NKAIN2: variants seen among roughly 807,000 people sequenced by gnomAD.
NKAIN2 encodes sodium/potassium-transporting ATPase subunit beta-1-interacting protein 2.
Under a neutral mutation model 32.6 loss-of-function variants are expected in NKAIN2, and 14 were observed. That is an observed-to-expected ratio of 0.43 (90% confidence interval 0.28 to 0.67). The LOEUF (loss-of-function observed/expected upper bound fraction) is 0.67. Among genes scored for constraint, NKAIN2 ranks in the 30% least tolerant of loss-of-function variants. NKAIN2 has a pLI of 0.17. For synonymous variants in NKAIN2, 80 were observed against 87.2 expected, an observed-to-expected ratio of 0.92 and a Z score of 0.46; for missense variants, 198 against 258.3, an observed-to-expected ratio of 0.77 and a Z score of 1.60.
At chr6:123,875,760 A>C (rs1773141243) in intron 1 of NKAIN2, among the ~76,000 whole-genome samples, 1 of 152,064 alleles carries the variant, frequency 6.6e-6, no homozygotes. Context: ...AATTTTAATC[A>C]ATATAGAATT....
chr6:124,568,009 A>C (rs949503112), intron 3 of NKAIN2, among the ~76,000 whole-genome samples: 2 of 152,144 alleles, frequency 1.3e-5, no homozygotes, highest in Admixed American at 6.6e-5. Context: ...CTCTGGAGCC[A>C]GGGCAAGCTC....
intron 4 of NKAIN2, among the ~76,000 whole-genome samples, chr6:124,723,148 T>C (rs1192793756): frequency 6.6e-6 from 1 of 152,200 alleles, no homozygotes; most frequent in East Asian, 1.9e-4. Context: ...ACAGATACCA[T>C]ATAGAACAGA....
intron 3 of NKAIN2, among the ~76,000 whole-genome samples, chr6:124,508,430 C>T (rs112939144): frequency 0.015 from 2,212 of 151,698 alleles, 49 homozygotes; most frequent in African/African-American, 0.051. Context: ...CTGCAAGCTC[C>T]GCCTCCCGGG....
intron 3 of NKAIN2, among the ~76,000 whole-genome samples, chr6:124,397,522 A>G (rs1483982790): frequency 1.4e-5 from 2 of 148,026 alleles, no homozygotes; most frequent in Non-Finnish European, 3.0e-5. Context: ...ACTGTGTCAC[A>G]GAGAGTTTTT....
intron 1 of NKAIN2, among the ~76,000 whole-genome samples, chr6:124,177,777 T>TACCATGTGAAGATGCAGCAAAAAGG (rs1582797221): frequency 2.4e-4 from 4 of 16,494 alleles, no homozygotes; most frequent in Non-Finnish European, 4.3e-4. Flanking sequence ...TCATCCATTT[T>TACCATGTGAAGATGCAGCAAAAAGG]TTTTTTTTTT....
At chr6:124,237,713 A>G (rs529724762) in intron 1 of NKAIN2, among the ~76,000 whole-genome samples, 1 of 152,282 alleles carries the variant, frequency 6.6e-6, no homozygotes, top group Non-Finnish European at 1.5e-5. Flanking sequence ...AAATACTAGG[A>G]AAGTGTAGTA....
intron 1 of NKAIN2, among the ~76,000 whole-genome samples, chr6:124,269,079 T>C (rs1794630476): frequency 6.6e-6 from 1 of 152,246 alleles, no homozygotes; most frequent in Non-Finnish European, 1.5e-5. Flanking sequence ...TGAATTTTCA[T>C]GTTTAAGGTA....
intron 1 of NKAIN2, among the ~76,000 whole-genome samples, chr6:124,049,640 A>G (rs976354412): frequency 6.6e-6 from 1 of 152,070 alleles, no homozygotes; most frequent in African/African-American, 2.4e-5. Flanking sequence ...TATGTTTTAA[A>G]TTGTGCCTCA....
intron 3 of NKAIN2, among the ~76,000 whole-genome samples, chr6:124,439,853 T>C (rs578761): frequency 0.3 from 46,181 of 151,748 alleles, 7,647 homozygotes; most frequent in African/African-American, 0.43. Context: ...TTCATCTCCT[T>C]GTCTATCTCC....
chr6:124,351,584 T>G (rs899319371), intron 2 of NKAIN2, among the ~76,000 whole-genome samples: 1 of 152,054 alleles, frequency 6.6e-6, no homozygotes, highest in African/African-American at 2.4e-5. Flanking sequence ...AATAAATCTT[T>G]GAGGATTACT....
chr6:124,455,626 TATTA>T (rs1207280384), intron 3 of NKAIN2, among the ~76,000 whole-genome samples: 1 of 151,824 alleles, frequency 6.6e-6, no homozygotes, highest in Non-Finnish European at 1.5e-5. Flanking sequence ...TTAATATTTT[TATTA>T]ATTATGAAAG....
intron 2 of NKAIN2, among the ~76,000 whole-genome samples, chr6:124,325,108 T>A (rs1304346112): frequency 6.6e-6 from 1 of 152,062 alleles, no homozygotes; most frequent in East Asian, 1.9e-4. Flanking sequence ...AAATTAATGA[T>A]TTGAATAGCC....
intron 1 of NKAIN2, among the ~76,000 whole-genome samples, chr6:123,825,318 A>G (rs1582599721): frequency 6.6e-6 from 1 of 152,158 alleles, no homozygotes; most frequent in Non-Finnish European, 1.5e-5. Flanking sequence ...AATAATTCCT[A>G]AAGAAATATG....
At chr6:124,598,774 A>G (rs1004499611) in intron 3 of NKAIN2, among the ~76,000 whole-genome samples, 2 of 152,124 alleles carry the variant, frequency 1.3e-5, no homozygotes, top group African/African-American at 4.8e-5. Flanking sequence ...TTGATTATTA[A>G]CAAAGCCATG....
In NKAIN2 at chr6:123,942,357, T is replaced by C. The variant is rs1245529395; in HGVS notation, c.54+138103T>C. ...TAAAGAGTTAAAGAGTTTTCCTGCT[T>C]ATAGTTGTAGACATTGAAGAATTTG... On this transcript the variant is annotated intron_variant, in intron 1 of 6. Transcript: ENST00000368417. 3.9e-5 allele frequency among the ~76,000 whole-genome samples: 6 copies of C among 152,130 alleles called. No homozygotes were observed. The South Asian group carries it at 1.0e-3, about 26-fold the overall frequency.
chr6:124,429,727 T>A (rs941113413), intron 3 of NKAIN2, among the ~76,000 whole-genome samples: 1 of 152,150 alleles, frequency 6.6e-6, no homozygotes, highest in Non-Finnish European at 1.5e-5. Context: ...GGGGACTTTA[T>A]TGTGTTGGTG....
intron 1 of NKAIN2, among the ~76,000 whole-genome samples, chr6:123,850,899 ATTAG>A (rs1775314630): frequency 6.6e-6 from 1 of 152,118 alleles, no homozygotes; most frequent in Non-Finnish European, 1.5e-5. Context: ...CTCTATTTCT[ATTAG>A]TTCAACTTTT....
chr6:124,618,522 T>C (rs887354531), intron 3 of NKAIN2, among the ~76,000 whole-genome samples: 2 of 152,184 alleles, frequency 1.3e-5, no homozygotes, highest in African/African-American at 4.8e-5. Context: ...TTTGCATTTT[T>C]CTACAAATGA....
At chr6:124,806,615 C>T (rs1206875414) in intron 5 of NKAIN2, among the ~76,000 whole-genome samples, 1 of 151,698 alleles carries the variant, frequency 6.6e-6, no homozygotes, top group Non-Finnish European at 1.5e-5. Context: ...ATCATAATGA[C>T]AGGTTCAAAT....
Sources: gnomAD v4.1 joint callset for allele counts (sites outside exome capture counted in the v4.1 genomes callset) on GRCh38, gnomAD v4.1.1 for gene constraint, MANE v1.5 for transcripts, NCBI Gene and HGNC (gene_info 2026-07-23, HGNC 2026-07-21) for gene names.